DAB2IP: variants seen among roughly 807,000 people sequenced by gnomAD.
DAB2IP encodes DAB2 interacting protein, also known as disabled homolog 2-interacting protein.
In DAB2IP, 28 loss-of-function variants were observed where a neutral mutation model predicts 107.2. That is an observed-to-expected ratio of 0.26 (90% CI 0.19 to 0.36). The LOEUF is 0.36. Ranked by LOEUF, DAB2IP falls within the 10% of genes least tolerant of loss-of-function variation. DAB2IP has a pLI of 1.00. For synonymous variants in DAB2IP, 755 were observed against 706.4 expected (o/e 1.07, Z -1.09); for missense variants, 1,400 against 1,644.7 (o/e 0.85, Z 2.57).
intron 3 of DAB2IP, among the ~76,000 whole-genome samples, chr9:121,700,440 C>A (rs779247044): frequency 4.6e-5 from 7 of 152,198 alleles, no homozygotes; most frequent in Non-Finnish European, 8.8e-5. Context: ...AGAACATGTC[C>A]CTGCCCAGCC....
chr9:121,785,295 T>A (rs1835931068), exon 16 of DAB2IP: 1 of 152,520 alleles, frequency 6.6e-6, no homozygotes, highest in African/African-American at 2.4e-5. Context: ...TTCTACACAC[T>A]CAGCCACAAA....
At chr9:121,683,646 A>G (rs1828710981) in intron 2 of DAB2IP, among the ~76,000 whole-genome samples, 1 of 152,200 alleles carries the variant, frequency 6.6e-6, no homozygotes, top group African/African-American at 2.4e-5. Flanking sequence ...TTGATTATGG[A>G]TGCTTCTAGG....
rs1278089849 is a variant in DAB2IP, at chr9:121,651,881, C to G, written c.106C>G (p.Arg36Gly). The stretch of plus-strand genomic sequence containing the variant: ...GCGACAGAGGAGCCGCTCCCGCAGC[C>G]GGACCCGGCCTGCCAGGGGTAGGCG... Residue 36 changes from arginine (R) to glycine (G), a missense_variant, in exon 1 of 16, where the codon CGG (arginine) becomes GGG (glycine). By Grantham distance (125) the Arg-to-Gly change is moderately radical (BLOSUM62 -2). This residue lies in a region of DAB2IP where 283 missense variants were observed against 237.0 expected (regional missense o/e 1.19). Coordinates refer to ENST00000408936, the Ensembl canonical transcript of DAB2IP. The surrounding 1 kb of genome is among the most constrained non-coding windows in gnomAD (Gnocchi z 5.1). 2.1e-6 allele frequency: 3 copies of G among 1,428,546 alleles called. No homozygotes were observed. The highest frequency in any genetic ancestry group is 2.8e-6 in the Non-Finnish European group (3 of 1,085,352). 88.5% of individuals were successfully genotyped at this position (1,428,546 alleles called of 1,614,324 possible). A position where few individuals can be genotyped will look rare whatever the true frequency, so the allele number is the denominator to read the frequency against.
chr9:121,684,844 G>C lies in DAB2IP; in HGVS notation c.228+6063G>C, dbSNP rs1828784845. Among the ~76,000 whole-genome samples, 1 of 152,180 alleles carries C rather than the reference G, an allele frequency of 6.6e-6. No homozygotes were observed. Among genetic ancestry groups the C allele is most frequent in the Non-Finnish European group, 1.5e-5 (1 of 68,018 alleles). ...AGCAGCTTGCCCAGGATACTTGCTG[G>C]GGCTCCCTCCACTGGCCCAGGCTGC... On this transcript the variant is annotated intron_variant, in intron 2 of 15. Transcript: ENST00000408936. The surrounding 1 kb of genome is among the most constrained non-coding windows in gnomAD (Gnocchi z 4.0).
chr9:121,762,603 A>T (rs576050775), intron 6 of DAB2IP, among the ~76,000 whole-genome samples: 1 of 152,138 alleles, frequency 6.6e-6, no homozygotes, highest in Admixed American at 6.5e-5. Context: ...CGGAGTGAGG[A>T]ATTTCTTGAG....
intron 3 of DAB2IP, among the ~76,000 whole-genome samples, chr9:121,739,362 CA>C (rs1453836490): frequency 1.3e-5 from 2 of 152,196 alleles, no homozygotes; most frequent in Non-Finnish European, 2.9e-5. Context: ...TCATGACTGC[CA>C]ATGTCTTTCA....
chr9:121,592,057 G>A lies in DAB2IP; in HGVS notation c.40+24829G>A, dbSNP rs983881785. ...CAAGGAGGTCATTGGTGACCTTCCC[G>A]AGAGCCATTAGGAAATACTGCAGAT... On this transcript the variant is annotated intron_variant, in intron 1 of 16. Transcript: ENST00000259371. 5.3e-5 allele frequency among the ~76,000 whole-genome samples: 8 copies of A among 152,106 alleles called. No individual in the cohort carries two copies. The East Asian group carries it at 1.5e-3, about 29-fold the overall frequency.
At chr9:121,646,795 C>T (rs1832555161), upstream of DAB2IP, among the ~76,000 whole-genome samples, 1 of 152,094 alleles carries the variant, frequency 6.6e-6, no homozygotes, top group Non-Finnish European at 1.5e-5. Flanking sequence ...TGTTTCCACT[C>T]CCCCGTCTCT....
chr9:121,782,540 T>A lies in DAB2IP; in HGVS notation c.*42T>A. The A allele has an allele frequency of 6.2e-7, 1 of 1,601,016 alleles. No individual in the cohort carries two copies. Among genetic ancestry groups the A allele is most frequent in the Non-Finnish European group, 8.5e-7 (1 of 1,170,678 alleles). On this transcript the variant is annotated 3_prime_UTR_variant, in exon 16 of 16. Coordinates refer to ENST00000408936, the Ensembl canonical transcript of DAB2IP. The surrounding 1 kb of genome is among the most constrained non-coding windows in gnomAD (Gnocchi z 6.1). ...GGAAGCTACCCAAGGAGAGGGGGAC[T>A]ATGGTGGCCAAGGGCAGGGTCTCGG...
At chr9:121,761,658 GAGC>G (rs1344897320) in intron 6 of DAB2IP, among the ~76,000 whole-genome samples, 1 of 152,154 alleles carries the variant, frequency 6.6e-6, no homozygotes, top group Non-Finnish European at 1.5e-5. Flanking sequence ...CCGCGATGGG[GAGC>G]AGTTTTCCTC....
At chr9:121,605,081 G>A (rs923942433) in intron 1 of DAB2IP, among the ~76,000 whole-genome samples, 4 of 151,904 alleles carry the variant, frequency 2.6e-5, no homozygotes, top group South Asian at 4.2e-4. Flanking sequence ...GTGCAGTGGC[G>A]CGATCTTGAC....
chr9:121,583,453 G>A (rs553940238), intron 1 of DAB2IP, among the ~76,000 whole-genome samples: 69 of 152,302 alleles, frequency 4.5e-4, no homozygotes, highest in African/African-American at 4.8e-5. Flanking sequence ...AGGGGTAGGG[G>A]AGGAGCCGGC....
chr9:121,646,813 G>A (rs963945935), upstream of DAB2IP, among the ~76,000 whole-genome samples: 15 of 152,082 alleles, frequency 9.9e-5, no homozygotes, highest in African/African-American at 2.2e-4. Flanking sequence ...TCTGCATTCC[G>A]TACTGCTCAA....
intron 9 of DAB2IP, 61 bp downstream of exon 9, chr9:121,766,791 C>G (rs1834318743): frequency 6.4e-7 from 1 of 1,556,090 alleles, no homozygotes; most frequent in Admixed American, 1.7e-5. Flanking sequence ...AGGGCAGGCC[C>G]TGGGGGTGTT....
intron 1 of DAB2IP, among the ~76,000 whole-genome samples, chr9:121,581,522 A>G (rs1830194241): frequency 6.6e-6 from 1 of 152,104 alleles, no homozygotes; most frequent in African/African-American, 2.4e-5. Context: ...TGGCTGGAAA[A>G]CGTAGCCCCA....
chr9:121,708,880 T>C (rs1291841856), intron 3 of DAB2IP, among the ~76,000 whole-genome samples: 1 of 152,146 alleles, frequency 6.6e-6, no homozygotes, highest in Admixed American at 6.5e-5. Flanking sequence ...ATGACTGTCT[T>C]TGGAGAGACT....
At chr9:121,707,228 A>T (rs1830100155) in intron 3 of DAB2IP, among the ~76,000 whole-genome samples, 1 of 151,800 alleles carries the variant, frequency 6.6e-6, no homozygotes, top group Admixed American at 6.5e-5. Context: ...AGTGTGCTTA[A>T]ATTTTTTAAG....
At chr9:121,588,074 CTGCTG>C in intron 1 of DAB2IP, among the ~76,000 whole-genome samples, 1 of 152,310 alleles carries the variant, frequency 6.6e-6, no homozygotes, top group Non-Finnish European at 1.5e-5. Context: ...CTCCTTACCA[CTGCTG>C]TGGCAATAAT....
intron 3 of DAB2IP, among the ~76,000 whole-genome samples, chr9:121,741,506 C>A (rs1832342409): frequency 6.6e-6 from 1 of 152,122 alleles, no homozygotes; most frequent in African/African-American, 2.4e-5. Context: ...TTAGTCTGGG[C>A]TTGGGTAGCC....
Sources: allele counts gnomAD v4.1 joint callset (sites outside exome capture counted in the v4.1 genomes callset), GRCh38; gene constraint gnomAD v4.1.1; regional missense constraint gnomAD v4.1.1; non-coding constraint Gnocchi (gnomAD v3.1); transcripts MANE v1.5; gene names NCBI Gene and HGNC (gene_info 2026-07-23, HGNC 2026-07-21).